Variants in INTS9 observed in about 807,000 individuals in gnomAD.
INTS9 encodes the protein protein related to CPSF subunits of 74 kDa.
Under a neutral mutation model 79.7 loss-of-function variants are expected in INTS9, and 55 were observed. The ratio of observed to expected loss-of-function variants is 0.69; its 90% confidence interval spans 0.56 to 0.86. INTS9 has a LOEUF of 0.86. INTS9 is among the 40% of genes least tolerant of loss of function. INTS9 has a pLI of 0.00. For synonymous variants in INTS9, 319 were observed against 325.2 expected (o/e 0.98, Z 0.20); for missense variants, 721 against 831.5 (o/e 0.87, Z 1.64).
chr8:28,780,784 T>C, intron 12 of INTS9, 39 bp downstream of exon 12: 2 of 1,607,054 alleles, frequency 1.2e-6, no homozygotes, highest in Non-Finnish European at 1.7e-6. Flanking sequence ...ATGGCCTCAG[T>C]GGAGAGAACC....
intron 1 of INTS9, among the ~76,000 whole-genome samples, chr8:28,875,255 A>G (rs1237792692): frequency 1.3e-5 from 2 of 152,154 alleles, no homozygotes; most frequent in African/African-American, 4.8e-5. Flanking sequence ...AAATGTATCC[A>G]TTTTTGTACA....
intron 1 of INTS9, among the ~76,000 whole-genome samples, chr8:28,875,630 C>A (rs989187648): frequency 2.6e-5 from 4 of 152,150 alleles, no homozygotes; most frequent in African/African-American, 9.7e-5. Flanking sequence ...ATTAGCTATT[C>A]TTCCTGATGC....
rs199637042 is a variant in INTS9, at chr8:28,781,005, T to C, written c.1099-11A>G. ...ATTGGTCTGAATGAGCTGGAAAATA[T>C]AGAAAAAATACAAAGAAATGTGAGC... On this transcript the variant is annotated splice_polypyrimidine_tract_variant and intron_variant, in intron 11 of 16. Coordinates refer to ENST00000521022, the MANE Select transcript of INTS9 (RefSeq NM_018250.4). 1,574 of 1,608,152 alleles carry C rather than the reference T, an allele frequency of 9.8e-4. 2 individuals are homozygous for C. Among genetic ancestry groups the C allele is most frequent in the Non-Finnish European group, 1.2e-3 (1,440 of 1,175,924 alleles).
chr8:28,829,893 G>C (rs1192561415), intron 6 of INTS9, among the ~76,000 whole-genome samples: 1 of 152,114 alleles, frequency 6.6e-6, no homozygotes, highest in Non-Finnish European at 1.5e-5. Context: ...ACGATCGCTG[G>C]AGCTACGAGT....
intron 14 of INTS9, among the ~76,000 whole-genome samples, chr8:28,773,087 T>TAAAC (rs1204316156): frequency 6.6e-6 from 1 of 152,104 alleles, no homozygotes; most frequent in Non-Finnish European, 1.5e-5. Context: ...CTTATGGAAA[T>TAAAC]AAACATATAT....
intron 1 of INTS9, among the ~76,000 whole-genome samples, chr8:28,876,855 G>A (rs2131358740): frequency 6.6e-6 from 1 of 151,872 alleles, no homozygotes; most frequent in Non-Finnish European, 1.5e-5. Flanking sequence ...CAATCAAAAA[G>A]ATAAAGTATT....
At chr8:28,834,190 G>C (rs557538048) in intron 6 of INTS9, among the ~76,000 whole-genome samples, 1 of 152,040 alleles carries the variant, frequency 6.6e-6, no homozygotes, top group African/African-American at 2.4e-5. Context: ...TCATGCTCAC[G>C]GATACTGCCT....
chr8:28,796,442 C>A, intron 9 of INTS9, 102 bp downstream of exon 9: 1 of 673,094 alleles, frequency 1.5e-6, no homozygotes, highest in Non-Finnish European at 2.6e-6. Flanking sequence ...AACTGCTACC[C>A]TGTAAGCACT....
At chr8:28,835,458 A>AT in intron 5 of INTS9, 80 bp from the exon 6 acceptor site, 1 of 814,130 alleles carries the variant, frequency 1.2e-6, no homozygotes, top group Non-Finnish European at 1.9e-6. Flanking sequence ...TGGCCAGGAG[A>AT]AATGACTTGC....
intron 4 of INTS9, among the ~76,000 whole-genome samples, chr8:28,843,246 G>C (rs566957945): frequency 6.6e-6 from 1 of 152,232 alleles, no homozygotes; most frequent in East Asian, 1.9e-4. Context: ...AGGCAGTCCT[G>C]ATAAAAAAAA....
intron 8 of INTS9, chr8:28,798,722 C>G (rs1366736688): frequency 6.6e-6 from 1 of 152,140 alleles, no homozygotes; most frequent in African/African-American, 2.4e-5. Context: ...TGGTCTTGTA[C>G]TCCTGACCTC....
chr8:28,807,147 A>G (rs991432671), intron 8 of INTS9, among the ~76,000 whole-genome samples: 4 of 152,230 alleles, frequency 2.6e-5, no homozygotes, highest in African/African-American at 4.8e-5. Flanking sequence ...GGTTAAACAA[A>G]TAAAAGAGGA....
chr8:28,777,418 A>C (rs1178138366), intron 13 of INTS9, among the ~76,000 whole-genome samples: 1 of 152,186 alleles, frequency 6.6e-6, no homozygotes, highest in Non-Finnish European at 1.5e-5. Context: ...AAATGACCAA[A>C]AACTGCCACA....
intron 13 of INTS9, 59 bp downstream of exon 13, chr8:28,777,766 ACAAG>A: frequency 6.6e-7 from 1 of 1,518,604 alleles, no homozygotes. Context: ...CTCACCCCAC[ACAAG>A]CATGAGCCAC....
intron 8 of INTS9, among the ~76,000 whole-genome samples, chr8:28,806,229 C>CA (rs1804802383): frequency 1.3e-5 from 2 of 150,860 alleles, no homozygotes; most frequent in African/African-American, 2.4e-5. Context: ...GACCTTGTCT[C>CA]AAAAAAACAA....
rs114608787 is a variant in INTS9 at position 28,867,606 on chromosome 8, A to G, written c.10-8043T>C. Among the ~76,000 whole-genome samples the G allele has an allele frequency of 4.0e-3, 616 of 152,188 alleles. 5 individuals are homozygous for G. The highest frequency in any genetic ancestry group is 0.014 in the African/African-American group (563 of 41,534). ...ACTTAATCTCACAAAAATCTTTAAA[A>G]GCAGTATGAAATACTGTGAACTTCC... On this transcript the variant is annotated intron_variant, in intron 1 of 16. Transcript: ENST00000521022.
At chr8:28,823,848 T>C (rs1238581831) in intron 6 of INTS9, among the ~76,000 whole-genome samples, 1 of 152,232 alleles carries the variant, frequency 6.6e-6, no homozygotes, top group East Asian at 1.9e-4. Context: ...ACAGCCATAA[T>C]AATGGAAACA....
intron 12 of INTS9, 23 bp from the exon 13 acceptor site, chr8:28,777,976 A>T: frequency 1.3e-6 from 2 of 1,594,204 alleles, no homozygotes; most frequent in Non-Finnish European, 1.7e-6. Context: ...CAAGAAAGAA[A>T]TCTTACAATG....
At chr8:28,849,716 G>GTA (rs371783381) in intron 3 of INTS9, among the ~76,000 whole-genome samples, 170 of 152,224 alleles carry the variant, frequency 1.1e-3, no homozygotes, top group African/African-American at 3.6e-3. Context: ...CTGTCCTTCT[G>GTA]TAACCTTCTG....
Sources: allele counts gnomAD v4.1 joint callset (sites outside exome capture counted in the v4.1 genomes callset), GRCh38; gene constraint gnomAD v4.1.1; transcripts MANE v1.5; gene names NCBI Gene and HGNC (gene_info 2026-07-23, HGNC 2026-07-21).